The following ZMIZ1 variants were observed in gnomAD, a reference collection of about 807,000 sequenced individuals.
ZMIZ1 encodes zinc finger MIZ domain-containing protein 1.
In ZMIZ1, 17 loss-of-function variants were observed where a neutral mutation model predicts 113.9. The observed-to-expected ratio is 0.15, with a 90% confidence interval of 0.10 to 0.22. The LOEUF (loss-of-function observed/expected upper bound fraction) is 0.22. Among genes scored for constraint, ZMIZ1 ranks in the 10% least tolerant of loss-of-function variants. The pLI is 1.00. For missense variants in ZMIZ1, 1,059 were observed against 1,477.8 expected (o/e 0.72, Z 4.65); for synonymous variants, 607 against 603.1 (o/e 1.01, Z -0.09).
chr10:79,255,278 A>C (rs1850813252), intron 7 of ZMIZ1, among the ~76,000 whole-genome samples: 1 of 152,194 alleles, frequency 6.6e-6, no homozygotes, highest in African/African-American at 2.4e-5. Context: ...GGAGAGAAGA[A>C]GGCAGGCAAA....
chr10:79,276,335 G>A (rs1435686636), intron 7 of ZMIZ1, among the ~76,000 whole-genome samples: 2 of 152,220 alleles, frequency 1.3e-5, no homozygotes, highest in African/African-American at 2.4e-5. Flanking sequence ...GCTGAGACAC[G>A]CTGGCCTGGG....
At chr10:79,302,542 G>A (rs1418177594) in intron 18 of ZMIZ1, among the ~76,000 whole-genome samples, 1 of 137,520 alleles carries the variant, frequency 7.3e-6, no homozygotes, top group East Asian at 2.3e-4. Flanking sequence ...AAAATGTCAG[G>A]AAGCAGGCTT....
chr10:79,162,730 T>C (rs914720865), intron 4 of ZMIZ1, among the ~76,000 whole-genome samples: 2 of 149,632 alleles, frequency 1.3e-5, no homozygotes, highest in African/African-American at 5.1e-5. Context: ...CAGCAAGGAC[T>C]AGGGACATGT....
intron 14 of ZMIZ1, 148 bp downstream of exon 14, chr10:79,297,838 A>G: frequency 1.5e-6 from 1 of 665,256 alleles, no homozygotes; most frequent in Non-Finnish European, 2.6e-6. Context: ...GGGGACAGAG[A>G]TGCTCAGGAC....
chr10:79,216,639 G>A (rs1048433269), intron 7 of ZMIZ1, among the ~76,000 whole-genome samples: 2 of 152,164 alleles, frequency 1.3e-5, no homozygotes, highest in African/African-American at 4.8e-5. Flanking sequence ...AGGAAACTGA[G>A]GCTCACAAAC....
intron 4 of ZMIZ1, among the ~76,000 whole-genome samples, chr10:79,170,266 C>T (rs1331433016): frequency 8.5e-5 from 13 of 152,226 alleles, no homozygotes; most frequent in Non-Finnish European, 1.5e-4. Flanking sequence ...TCAGTTTTCA[C>T]ACTGATAAAC....
intron 4 of ZMIZ1, among the ~76,000 whole-genome samples, chr10:79,195,477 T>C (rs1367212128): frequency 6.6e-6 from 1 of 152,238 alleles, no homozygotes; most frequent in Non-Finnish European, 1.5e-5. Context: ...CAGTGATCTG[T>C]TGGGCGGGAG....
At chr10:79,079,165 G>A (rs1266005608) in intron 1 of ZMIZ1, among the ~76,000 whole-genome samples, 2 of 152,172 alleles carry the variant, frequency 1.3e-5, no homozygotes, top group Non-Finnish European at 2.9e-5. Context: ...GTTTGTGGTT[G>A]GGCAGTCCCA....
chr10:79,287,351 G>A (rs1017722919), intron 8 of ZMIZ1, among the ~76,000 whole-genome samples: 12 of 152,226 alleles, frequency 7.9e-5, no homozygotes, highest in Non-Finnish European at 1.6e-4. Flanking sequence ...TTTGGCCCAA[G>A]CATCTGGATC....
chr10:79,298,356 T>G, intron 14 of ZMIZ1, 50 bp from the exon 15 acceptor site: 1 of 1,576,032 alleles, frequency 6.3e-7, no homozygotes, highest in Non-Finnish European at 8.6e-7. Flanking sequence ...CCATGGCCCC[T>G]TCTGTCTCCG....
chr10:79,305,380 C>T, intron 20 of ZMIZ1, 149 bp downstream of exon 20: 1 of 1,217,024 alleles, frequency 8.2e-7, no homozygotes, highest in South Asian at 1.3e-5. Context: ...CCAGGTGGTC[C>T]CTTGGTATCA....
At chr10:79,258,819 T>A (rs1209360390) in intron 7 of ZMIZ1, among the ~76,000 whole-genome samples, 1 of 152,134 alleles carries the variant, frequency 6.6e-6, no homozygotes, top group Non-Finnish European at 1.5e-5. Context: ...GCAGGCACTT[T>A]GGGGTGAGTA....
intron 7 of ZMIZ1, among the ~76,000 whole-genome samples, chr10:79,274,338 G>A (rs934691959): frequency 3.3e-5 from 5 of 151,974 alleles, no homozygotes; most frequent in African/African-American, 9.7e-5. Context: ...GGCCAGCCCC[G>A]CCTAATTAGA....
chr10:79,290,245 C>T (rs927530178), intron 9 of ZMIZ1, among the ~76,000 whole-genome samples: 9 of 152,178 alleles, frequency 5.9e-5, no homozygotes, highest in African/African-American at 2.4e-5. Context: ...GGATGTATGG[C>T]CTGAGTTGGA....
At position 79,314,111 on chromosome 10, in the gene ZMIZ1, C is replaced by T. The variant is rs1035808815; in HGVS notation, c.*1362C>T. On this transcript the variant is annotated 3_prime_UTR_variant, in exon 25 of 25. Transcript: ENST00000334512. ...CATCACAATCTCACCCAAACTCCTG[C>T]TCACTCAAGCAAAAGCAGCCTCTGG... The T allele has an allele frequency of 1.1e-5, 5 of 456,864 alleles. No homozygotes were observed. The highest frequency in any genetic ancestry group is 1.0e-4 in the African/African-American group (5 of 50,084). 28.3% of individuals were successfully genotyped at this position (456,864 alleles called of 1,614,324 possible). A position where few individuals can be genotyped will look rare whatever the true frequency, so the allele number is the denominator to read the frequency against.
In ZMIZ1 at chr10:79,316,277, A is replaced by G. The variant is rs984187600; in HGVS notation, c.*3528A>G. The G allele has an allele frequency of 6.6e-6, 1 of 152,638 alleles. No individual in the cohort carries two copies. The highest frequency in any genetic ancestry group is 1.5e-5 in the Non-Finnish European group (1 of 68,052). The allele number at this position is 152,638 out of a possible 1,614,324, so 9.5% of individuals were successfully genotyped here. On this transcript the variant is annotated 3_prime_UTR_variant, in exon 25 of 25. Transcript: ENST00000334512. ...ATCATTTCATACTTTAAACTGGTCA[A>G]AAAACTAATTGTGATTTCTAGTCTT...
chr10:79,279,433 T>G (rs1271242944), intron 8 of ZMIZ1, among the ~76,000 whole-genome samples: 1 of 150,804 alleles, frequency 6.6e-6, no homozygotes, highest in Non-Finnish European at 1.5e-5. Context: ...GCTCCTCACT[T>G]CCTAGACGGG....
intron 1 of ZMIZ1, among the ~76,000 whole-genome samples, chr10:79,113,126 C>G (rs535827141): frequency 6.6e-6 from 1 of 152,160 alleles, no homozygotes; most frequent in African/African-American, 2.4e-5. Context: ...GGCCTGCCTT[C>G]GGAGCCTCAG....
chr10:79,242,075 G>T (rs117792952), intron 7 of ZMIZ1, among the ~76,000 whole-genome samples: 2 of 152,096 alleles, frequency 1.3e-5, no homozygotes, highest in Admixed American at 6.5e-5. Flanking sequence ...TCCCGAGGGG[G>T]TAATGATGAC....
Sources: allele counts gnomAD v4.1 joint callset (sites outside exome capture counted in the v4.1 genomes callset), GRCh38; gene constraint gnomAD v4.1.1; transcripts MANE v1.5; gene names NCBI Gene and HGNC (gene_info 2026-07-23, HGNC 2026-07-21).